The following GPHN variants were observed in gnomAD, a reference collection of about 807,000 sequenced individuals.
GPHN encodes gephyrin.
GPHN carries 17 observed loss-of-function variants against 95.5 expected under a neutral mutation model. That is an observed-to-expected ratio of 0.18 (90% CI 0.12 to 0.27). GPHN has a LOEUF of 0.27. Among genes scored for constraint, GPHN ranks in the 10% least tolerant of loss-of-function variants. The pLI, the probability that GPHN is intolerant of heterozygous loss-of-function variation, is 1.00. For missense variants in GPHN, 660 were observed against 978.1 expected (o/e 0.67, Z 4.34); for synonymous variants, 320 against 322.5 (o/e 0.99, Z 0.08).
chr14:67,434,608 C>A, the GPHN span, among the ~76,000 whole-genome samples: 1 of 152,168 alleles, frequency 6.6e-6, no homozygotes, highest in East Asian at 1.9e-4. Flanking sequence ...AAGCAAACCA[C>A]AGACCATGAG....
chr14:67,646,573 G>T, the GPHN span: 1 of 1,259,066 alleles, frequency 7.9e-7, no homozygotes. Flanking sequence ...CATACCCACG[G>T]ACGCACATGA....
the GPHN span, among the ~76,000 whole-genome samples, chr14:67,229,248 G>A: frequency 6.6e-6 from 1 of 152,178 alleles, no homozygotes; most frequent in Non-Finnish European, 1.5e-5. Flanking sequence ...CAGAATAAGG[G>A]TAGTTAGGTT....
intron 8 of GPHN, among the ~76,000 whole-genome samples, chr14:66,954,636 C>T (rs1272532106): frequency 6.6e-6 from 1 of 152,060 alleles, no homozygotes; most frequent in Admixed American, 6.6e-5. Context: ...GCCGAATTTC[C>T]CTGGCTAGAA....
rs148835063 is a variant in GPHN, at chr14:66,673,249, C to T, written c.65-7858C>T. The stretch of plus-strand genomic sequence containing the variant: ...CTGGGACTACCAGTGCGTGCCACCA[C>T]GCCCGGGTAATTTTTTGTATTTTTA... On this transcript the variant is annotated intron_variant, in intron 1 of 22. Coordinates refer to ENST00000478722, the MANE Select transcript of GPHN (RefSeq NM_020806.5). Among the ~76,000 whole-genome samples the T allele has an allele frequency of 1.2e-4, 19 of 152,194 alleles. No homozygotes were observed. The East Asian group carries it at 2.1e-3, about 17-fold the overall frequency.
chr14:66,953,457 A>C (rs1442146962), intron 8 of GPHN, among the ~76,000 whole-genome samples: 1 of 152,158 alleles, frequency 6.6e-6, no homozygotes, highest in African/African-American at 2.4e-5. Context: ...TTGAGCTCTT[A>C]TAATACAATT....
At chr14:66,855,038 G>T (rs1216777893) in intron 4 of GPHN, among the ~76,000 whole-genome samples, 1 of 151,874 alleles carries the variant, frequency 6.6e-6, no homozygotes, top group East Asian at 1.9e-4. Context: ...GTAGAGACAG[G>T]GTTTCACCAT....
At chr14:67,589,565 A>G in the GPHN span, 1 of 985,434 alleles carries the variant, frequency 1.0e-6, no homozygotes, top group Non-Finnish European at 1.2e-6. Context: ...TCTGTTTATT[A>G]ACAGTAAATA....
the GPHN span, among the ~76,000 whole-genome samples, chr14:67,390,429 C>G: frequency 6.6e-6 from 1 of 152,108 alleles, no homozygotes; most frequent in Non-Finnish European, 1.5e-5. Context: ...ATAAAGATGC[C>G]CTCCCATGGG....
At chr14:67,087,991 C>G (rs1262573674) in intron 11 of GPHN, among the ~76,000 whole-genome samples, 8 of 152,046 alleles carry the variant, frequency 5.3e-5, no homozygotes, top group Non-Finnish European at 8.8e-5. Context: ...CTTATTGGCA[C>G]TAGTTCAAAT....
the GPHN span, among the ~76,000 whole-genome samples, chr14:67,453,524 A>G: frequency 6.6e-6 from 1 of 152,176 alleles, no homozygotes; most frequent in Non-Finnish European, 1.5e-5. Flanking sequence ...CTTCCTGCCC[A>G]TCAGGGATGT....
chr14:67,212,633 AATATATATTAC>A, the GPHN span, among the ~76,000 whole-genome samples: 4 of 145,754 alleles, frequency 2.7e-5, no homozygotes. Context: ...TATTATATAT[AATATATATTAC>A]ATATATATAT....
In GPHN at chr14:67,150,473, AC is replaced by A. The variant is rs1277596844; in HGVS notation, c.1836+7025del. ...AAAAACAAAAAAAAAAAAAAAAAAA[AC>A]ATTGTAAGGTTTTCAGAATAATTAT... On this transcript the variant is annotated intron_variant, in intron 18 of 22. Coordinates refer to ENST00000478722, the MANE Select transcript of GPHN (RefSeq NM_020806.5). 8.0e-4 allele frequency among the ~76,000 whole-genome samples: 120 copies of A among 150,382 alleles called. 2 individuals are homozygous for A. Among genetic ancestry groups the A allele is most frequent in the Non-Finnish European group, 1.4e-3 (96 of 67,544 alleles).
intron 9 of GPHN, among the ~76,000 whole-genome samples, chr14:66,994,796 T>C (rs1372293818): frequency 1.3e-5 from 2 of 152,180 alleles, no homozygotes; most frequent in Non-Finnish European, 2.9e-5. Context: ...TGTATAGAAT[T>C]TACCATATTT....
At chr14:67,110,497 G>C (rs982786865) in intron 14 of GPHN, among the ~76,000 whole-genome samples, 2 of 152,150 alleles carry the variant, frequency 1.3e-5, no homozygotes, top group African/African-American at 2.4e-5. Flanking sequence ...TGTTATAGCA[G>C]AATTTGAATC....
At chr14:67,296,452 T>A in the GPHN span, among the ~76,000 whole-genome samples, 1 of 151,386 alleles carries the variant, frequency 6.6e-6, no homozygotes, top group Non-Finnish European at 1.5e-5. Context: ...TACAAAAAAA[T>A]TAGGCGGGTG....
chr14:66,707,498 G>A (rs28793886), intron 2 of GPHN, among the ~76,000 whole-genome samples: 38,048 of 151,992 alleles, frequency 0.25, 9,567 homozygotes, highest in African/African-American at 0.61. Flanking sequence ...CAGAGAATGC[G>A]ATCATGTCCT....
the GPHN span, among the ~76,000 whole-genome samples, chr14:67,394,524 C>G: frequency 6.6e-6 from 1 of 152,274 alleles, no homozygotes; most frequent in South Asian, 2.1e-4. Flanking sequence ...GCCTACCCAC[C>G]TTTATCTGCA....
At chr14:67,304,945 T>C in the GPHN span, among the ~76,000 whole-genome samples, 2 of 152,230 alleles carry the variant, frequency 1.3e-5, no homozygotes, top group African/African-American at 4.8e-5. Flanking sequence ...AGGTATGCTT[T>C]ATAGTTTGGC....
At chr14:67,733,992 G>A in the GPHN span, 2 of 640,048 alleles carry the variant, frequency 3.1e-6, no homozygotes, top group Non-Finnish European at 5.8e-6. Context: ...ACCCTTCTGG[G>A]AATGTTTGCA....
Sources: gnomAD v4.1 joint callset for allele counts (sites outside exome capture counted in the v4.1 genomes callset) on GRCh38, gnomAD v4.1.1 for gene constraint, MANE v1.5 for transcripts, NCBI Gene and HGNC (gene_info 2026-07-23, HGNC 2026-07-21) for gene names.